Variants in TEX11 observed in about 807,000 individuals in gnomAD.
The protein encoded by TEX11 is testis expressed 11.
TEX11 carries 7 observed loss-of-function variants against 84.4 expected under a neutral mutation model. That is an observed-to-expected ratio of 0.08 (90% CI 0.05 to 0.16). The LOEUF (loss-of-function observed/expected upper bound fraction) is 0.16. TEX11 is among the 10% of genes least tolerant of loss of function. The pLI, the probability that TEX11 is intolerant of heterozygous loss-of-function variation, is 1.00. For missense variants in TEX11, 551 were observed against 660.5 expected (o/e 0.83, Z 1.82); for synonymous variants, 264 against 222.8 (o/e 1.18, Z -1.64).
intron 25 of TEX11, among the ~76,000 whole-genome samples, chrX:70,579,019 G>A (rs1174162492): frequency 1.2e-4 from 13 of 108,402 alleles, no homozygotes; most frequent in African/African-American, 4.3e-4. Flanking sequence ...TGATCCACCC[G>A]CCTTGGCCTC....
At chrX:70,752,524 C>CAAAAAAAAAAAAAAAA (rs753939405) in intron 9 of TEX11, among the ~76,000 whole-genome samples, 8 of 28,127 alleles carry the variant, frequency 2.8e-4, no homozygotes, top group Non-Finnish European at 5.5e-4. Context: ...TACTCTGTCT[C>CAAAAAAAAAAAAAAAA]AAAAAAAAAA....
rs141991812 is a variant in TEX11, at chrX:70,773,209, C to T, written c.693-28990G>A. On this transcript the variant is annotated intron_variant, in intron 9 of 29. Coordinates refer to ENST00000374333, the MANE Select transcript of TEX11 (RefSeq NM_031276.3). The stretch of plus-strand genomic sequence containing the variant: ...AATAAATTTAATGTAAAGAGATCTT[C>T]ACTAAGACATAATATAACCAAATTA... 9.2e-3 allele frequency among the ~76,000 whole-genome samples: 1,015 copies of T among 109,917 alleles called. 8 individuals are homozygous for T. Among genetic ancestry groups the T allele is most frequent in the African/African-American group, 0.031 (931 of 30,330 alleles).
chrX:70,553,024 CAAAG>C (rs1276454783), intron 27 of TEX11, among the ~76,000 whole-genome samples: 1 of 112,000 alleles, frequency 8.9e-6, no homozygotes, highest in Non-Finnish European at 1.9e-5. Flanking sequence ...AGTGATGAAA[CAAAG>C]AAAGAAAGGT....
chrX:70,605,634 C>G lies in TEX11; in HGVS notation c.1951-117G>C. 3 of 473,275 alleles carry G rather than the reference C, an allele frequency of 6.3e-6. 1 individual carries two copies. Among genetic ancestry groups the G allele is most frequent in the Non-Finnish European group, 1.1e-5 (3 of 268,944 alleles). 39.0% of individuals were successfully genotyped at this position (473,275 alleles called of 1,213,427 possible). ...GAATGAGAAAATTCAGCTGGAAAAGCACATGTCACCATAGAAATGATATAA... is the reference window on the plus strand; with the variant it reads ...GAATGAGAAAATTCAGCTGGAAAAGGACATGTCACCATAGAAATGATATAA... On this transcript the variant is annotated intron_variant, in intron 23 of 29. Coordinates refer to ENST00000374333, the MANE Select transcript of TEX11 (RefSeq NM_031276.3).
intron 25 of TEX11, among the ~76,000 whole-genome samples, chrX:70,568,962 G>C (rs1406124340): frequency 9.0e-6 from 1 of 111,593 alleles, no homozygotes; most frequent in Non-Finnish European, 1.9e-5. Flanking sequence ...TGCCTTGTTA[G>C]ATTGGGGAAG....
intron 2 of TEX11, among the ~76,000 whole-genome samples, chrX:70,893,645 C>T (rs2091751260): frequency 9.0e-6 from 1 of 111,211 alleles, no homozygotes. Context: ...AATTGACACC[C>T]AAACATCACA....
chrX:70,884,682 C>T (rs950252579), intron 2 of TEX11, among the ~76,000 whole-genome samples: 1 of 110,482 alleles, frequency 9.1e-6, no homozygotes, highest in South Asian at 3.9e-4. Context: ...CAAGAGAATC[C>T]AAGCAGCAAG....
At chrX:70,586,452 G>A (rs1179909300) in intron 25 of TEX11, among the ~76,000 whole-genome samples, 1 of 111,715 alleles carries the variant, frequency 9.0e-6, no homozygotes, top group Non-Finnish European at 1.9e-5. Context: ...AATATATAAA[G>A]AAATCCTAAA....
chrX:70,678,630 T>C (rs1276455090), intron 15 of TEX11, among the ~76,000 whole-genome samples, 174 bp downstream of exon 15: 1 of 111,644 alleles, frequency 9.0e-6, no homozygotes, highest in African/African-American at 3.2e-5. Flanking sequence ...TTATTTTTAA[T>C]AAACTCTTGC....
chrX:70,580,974 C>G (rs965570134), intron 25 of TEX11, among the ~76,000 whole-genome samples: 3 of 106,344 alleles, frequency 2.8e-5, no homozygotes, highest in Admixed American at 1.0e-4. Context: ...TTATTGATTA[C>G]TAAGCACAGT....
chrX:70,748,742 G>T (rs772156243), intron 9 of TEX11, among the ~76,000 whole-genome samples: 4 of 95,777 alleles, frequency 4.2e-5, no homozygotes, highest in African/African-American at 1.2e-4. Context: ...GATATGCGGC[G>T]TTATTTCTGA....
intron 17 of TEX11, among the ~76,000 whole-genome samples, chrX:70,642,295 A>G (rs772194625): frequency 2.7e-5 from 3 of 111,787 alleles, no homozygotes; most frequent in African/African-American, 9.7e-5. Flanking sequence ...CCAACCAAAA[A>G]GAATCCAGGA....
Position 70,573,627 on chromosome X carries a change from C to T in TEX11, c.2140+18124G>A, listed in dbSNP as rs139177755. On this transcript the variant is annotated intron_variant, in intron 25 of 29. Transcript: ENST00000374333. ...ATGCATGACTGATTGCTGTATTAAG[C>T]CAATGAAGGAACCAAGCAAAGACTG... Among the ~76,000 whole-genome samples, 1,074 of 111,143 alleles carry T rather than the reference C, an allele frequency of 9.7e-3. 7 individuals carry two copies. Among genetic ancestry groups the T allele is most frequent in the African/African-American group, 0.033 (1,000 of 30,652 alleles).
chrX:70,528,090 A>G (rs1413324064), downstream of TEX11, among the ~76,000 whole-genome samples: 2 of 111,546 alleles, frequency 1.8e-5, no homozygotes, highest in Admixed American at 9.6e-5. Flanking sequence ...AGATCACATG[A>G]GGAACAACTA....
intron 3 of TEX11, among the ~76,000 whole-genome samples, chrX:70,875,505 G>A (rs754381553): frequency 2.4e-4 from 26 of 108,455 alleles, no homozygotes; most frequent in African/African-American, 7.7e-4. Flanking sequence ...CTGGGAGGCC[G>A]AGGCAGGTGG....
At chrX:70,689,413 T>G (rs2090216061) in intron 13 of TEX11, among the ~76,000 whole-genome samples, 1 of 111,532 alleles carries the variant, frequency 9.0e-6, no homozygotes, top group Non-Finnish European at 1.9e-5. Context: ...ACTAATATAC[T>G]TTGCCAGTGA....
intron 13 of TEX11, among the ~76,000 whole-genome samples, chrX:70,689,518 A>C (rs923124914): frequency 1.4e-4 from 16 of 111,787 alleles, no homozygotes; most frequent in Middle Eastern, 9.3e-3. Flanking sequence ...GTCAGAAAGA[A>C]AGGAATTGCT....
intron 13 of TEX11, among the ~76,000 whole-genome samples, chrX:70,710,805 T>C (rs1037612862): frequency 1.2e-4 from 13 of 111,344 alleles, no homozygotes; most frequent in African/African-American, 2.6e-4. Flanking sequence ...ATTTTTTTTA[T>C]ACTTTAAGTT....
intron 20 of TEX11, among the ~76,000 whole-genome samples, chrX:70,613,780 C>T (rs1452629663): frequency 9.0e-6 from 1 of 111,234 alleles, no homozygotes; most frequent in East Asian, 2.8e-4. Flanking sequence ...CAAAGGAGAC[C>T]TCTTCCTTCC....
Sources: gnomAD v4.1 joint callset for allele counts (sites outside exome capture counted in the v4.1 genomes callset) on GRCh38, gnomAD v4.1.1 for gene constraint, MANE v1.5 for transcripts, NCBI Gene and HGNC (gene_info 2026-07-23, HGNC 2026-07-21) for gene names.